PRDM6: variants seen among roughly 807,000 people sequenced by gnomAD.
The protein encoded by PRDM6 is putative histone-lysine N-methyltransferase PRDM6.
A neutral mutation model predicts 60.8 loss-of-function variants in PRDM6; 25 were observed. The ratio of observed to expected loss-of-function variants is 0.41; its 90% CI spans 0.30 to 0.57. The LOEUF is 0.57. PRDM6 is among the 20% of genes least tolerant of loss of function. The pLI, the probability that PRDM6 is intolerant of heterozygous loss-of-function variation, is 0.27. For synonymous variants in PRDM6, 407 were observed against 357.4 expected, an observed-to-expected ratio of 1.14 and a Z score of -1.57; for missense variants, 839 against 821.3, an observed-to-expected ratio of 1.02 and a Z score of -0.26.
intron 7 of PRDM6, among the ~76,000 whole-genome samples, chr5:123,183,481 A>G (rs1331098381): frequency 5.3e-5 from 8 of 152,216 alleles, no homozygotes; most frequent in Admixed American, 5.2e-4. Flanking sequence ...GCTTTGCCTC[A>G]TATCTGATTG....
chr5:123,167,423 CT>C (rs1250562100), intron 5 of PRDM6, among the ~76,000 whole-genome samples: 1 of 148,356 alleles, frequency 6.7e-6, no homozygotes, highest in African/African-American at 2.5e-5. Context: ...GAGTTTCACT[CT>C]TGTTACCCAG....
intron 3 of PRDM6, among the ~76,000 whole-genome samples, chr5:123,111,523 C>A (rs1041545465): frequency 6.6e-6 from 1 of 152,118 alleles, no homozygotes; most frequent in Admixed American, 6.5e-5. Context: ...ACGGTGAAAC[C>A]CCGTCTTTAC....
intron 6 of PRDM6, chr5:123,173,256 T>A (rs1275134040): frequency 1.3e-5 from 2 of 154,290 alleles, no homozygotes; most frequent in Non-Finnish European, 2.9e-5. Flanking sequence ...ATGTCATAAT[T>A]CGTAATATAC....
At chr5:123,161,420 T>G (rs1472475579) in intron 5 of PRDM6, among the ~76,000 whole-genome samples, 1 of 152,110 alleles carries the variant, frequency 6.6e-6, no homozygotes, top group Non-Finnish European at 1.5e-5. Context: ...GTGATAAGTG[T>G]TGTGGGCTAA....
chr5:123,133,826 A>G (rs2150224593), intron 3 of PRDM6, among the ~76,000 whole-genome samples: 1 of 128,712 alleles, frequency 7.8e-6, no homozygotes, highest in African/African-American at 2.8e-5. Flanking sequence ...GATGTTTATC[A>G]ATCAAAAAAA....
chr5:123,168,238 G>A lies in PRDM6; in HGVS notation c.1154-2528G>A, dbSNP rs751632903. 7.9e-5 allele frequency among the ~76,000 whole-genome samples: 12 copies of A among 152,086 alleles called. No homozygotes were observed. In the South Asian group the frequency reaches 1.7e-3, roughly 21 times the overall value. The stretch of plus-strand genomic sequence containing the variant: ...AATAAAGACATACATACAAACATAC[G>A]TACGTAGGTGTATATAAGTATATGT... On this transcript the variant is annotated intron_variant, in intron 5 of 7. Transcript: ENST00000407847.
At position 123,171,065 on chromosome 5, in the gene PRDM6, C is replaced by T. The variant is rs562666726; in HGVS notation, c.1453C>T (p.Arg485Trp). 3 of 1,551,456 alleles carry T rather than the reference C, an allele frequency of 1.9e-6. No homozygotes were observed. The highest frequency in any genetic ancestry group is 2.6e-6 in the Non-Finnish European group (3 of 1,146,638). ...CGQCFKTFTQ[R>W]ILLQMHVCTQ... ...GCAGTGCTTTAAGACTTTCACCCAG[C>T]GGATCCTCTTACAGATGCACGTGTG... is the stretch of plus-strand genomic sequence containing the variant. The change falls in exon 6 of 8, where the codon CGG (arginine) becomes TGG (tryptophan). Residue 485 changes from arginine to tryptophan, a missense_variant. By Grantham distance (101) the Arg-to-Trp change is moderately radical. Coordinates refer to ENST00000407847, the MANE Select transcript of PRDM6 (RefSeq NM_001136239.4).
At chr5:123,161,449 A>G (rs1765628603) in intron 5 of PRDM6, among the ~76,000 whole-genome samples, 1 of 152,090 alleles carries the variant, frequency 6.6e-6, no homozygotes, top group Non-Finnish European at 1.5e-5. Context: ...AAAAGGGGTA[A>G]AGAGGTGCCA....
intron 3 of PRDM6, among the ~76,000 whole-genome samples, chr5:123,121,604 A>G (rs1158970944): frequency 1.3e-5 from 2 of 152,158 alleles, no homozygotes; most frequent in African/African-American, 4.8e-5. Context: ...TTTCACCTAT[A>G]AATATTTTAA....
At chr5:123,167,867 C>T (rs916982652) in intron 5 of PRDM6, among the ~76,000 whole-genome samples, 1 of 152,192 alleles carries the variant, frequency 6.6e-6, no homozygotes, top group African/African-American at 2.4e-5. Context: ...TGGTTTTTCT[C>T]ACCATGCATT....
intron 6 of PRDM6, 90 bp from the exon 7 acceptor site, chr5:123,180,057 C>A: frequency 2.4e-6 from 3 of 1,231,752 alleles, no homozygotes; most frequent in Non-Finnish European, 3.3e-6. Flanking sequence ...GAAAATGTCA[C>A]CAATAAGTTT....
At chr5:123,157,722 G>A (rs1232097934) in intron 4 of PRDM6, among the ~76,000 whole-genome samples, 4 of 152,192 alleles carry the variant, frequency 2.6e-5, no homozygotes, top group African/African-American at 7.2e-5. Context: ...GTACATGAAT[G>A]TCCTCTTCAC....
At chr5:123,177,308 G>T (rs1157772991) in intron 6 of PRDM6, among the ~76,000 whole-genome samples, 1 of 152,166 alleles carries the variant, frequency 6.6e-6, no homozygotes, top group Non-Finnish European at 1.5e-5. Flanking sequence ...TGTAACTTCT[G>T]TACTTTCTAA....
chr5:123,180,400 T>C (rs745470640), intron 7 of PRDM6, 77 bp downstream of exon 7: 161 of 1,414,010 alleles, frequency 1.1e-4, no homozygotes, highest in Non-Finnish European at 1.4e-4. Flanking sequence ...AGCACAGTGC[T>C]GCCTGGCTTA....
At chr5:123,167,393 T>C (rs1057175630) in intron 5 of PRDM6, among the ~76,000 whole-genome samples, 1 of 67,484 alleles carries the variant, frequency 1.5e-5, no homozygotes, top group Non-Finnish European at 3.1e-5. Flanking sequence ...ATTAGGTTAC[T>C]TTTTTTTTTT....
At chr5:123,163,641 G>A (rs976938456) in intron 5 of PRDM6, among the ~76,000 whole-genome samples, 4 of 152,148 alleles carry the variant, frequency 2.6e-5, no homozygotes, top group African/African-American at 4.8e-5. Context: ...CTGAAGGAAC[G>A]CCTGTGTCGA....
intron 5 of PRDM6, among the ~76,000 whole-genome samples, chr5:123,164,891 A>C (rs1191613209): frequency 6.6e-6 from 1 of 152,098 alleles, no homozygotes; most frequent in African/African-American, 2.4e-5. Flanking sequence ...TTCCTCCCAC[A>C]GTAGCCCATG....
rs1285070352 is a variant in PRDM6 at position 123,090,416 on chromosome 5, C to A, written c.402C>A (p.Pro134=). 1.4e-6 allele frequency: 2 copies of A among 1,461,616 alleles called. No homozygotes were observed. The highest frequency in any genetic ancestry group is 2.7e-5 in the South Asian group (2 of 74,874). 90.5% of individuals were successfully genotyped at this position (1,461,616 alleles called of 1,614,324 possible). Residue 134 remains proline (P), a synonymous_variant, in exon 2 of 8, where the codon CCC becomes CCA. Coordinates refer to ENST00000407847, the MANE Select transcript of PRDM6 (RefSeq NM_001136239.4). ...CCGTCGCCGCCGAGCCGCTGCCCCC[C>A]AAGGAACTGTGCCTCGGCGCCACCT... The part of the protein sequence containing the change: ...AAAVAAEPLP[P]KELCLGATSG...
intron 3 of PRDM6, among the ~76,000 whole-genome samples, chr5:123,140,011 G>T (rs1243207433): frequency 6.6e-6 from 1 of 152,100 alleles, no homozygotes; most frequent in African/African-American, 2.4e-5. Flanking sequence ...TCTTGCACTT[G>T]ATTTTTCTGT....
Sources: allele counts gnomAD v4.1 joint callset (sites outside exome capture counted in the v4.1 genomes callset), GRCh38; gene constraint gnomAD v4.1.1; transcripts MANE v1.5; gene names NCBI Gene and HGNC (gene_info 2026-07-23, HGNC 2026-07-21).